Variants in MBOAT2 observed in about 807,000 individuals in gnomAD.
The protein encoded by MBOAT2 is membrane-bound glycerophospholipid O-acyltransferase 2.
Under a neutral mutation model 63.4 loss-of-function variants are expected in MBOAT2, and 28 were observed. That is an observed-to-expected ratio of 0.44 (90% CI 0.33 to 0.61). MBOAT2 has a LOEUF of 0.61. Ranked by LOEUF, MBOAT2 falls within the 20% of genes least tolerant of loss-of-function variation. The pLI is 0.03. For synonymous variants in MBOAT2, 211 were observed against 215.6 expected, an observed-to-expected ratio of 0.98 and a Z score of 0.19; for missense variants, 470 against 605.8, an observed-to-expected ratio of 0.78 and a Z score of 2.35.
At chr2:8,900,014 AG>A (rs1481779722) in intron 4 of MBOAT2, among the ~76,000 whole-genome samples, 1 of 151,944 alleles carries the variant, frequency 6.6e-6, no homozygotes, top group African/African-American at 2.4e-5. Flanking sequence ...TTTGGGTGAC[AG>A]GGGAGTATAT....
At chr2:8,883,022 T>C (rs1352358306) in intron 5 of MBOAT2, among the ~76,000 whole-genome samples, 1 of 152,126 alleles carries the variant, frequency 6.6e-6, no homozygotes, top group African/African-American at 2.4e-5. Flanking sequence ...TACATCATCT[T>C]CATCCATCTA....
At chr2:8,928,643 A>AT (rs1229774367) in intron 3 of MBOAT2, among the ~76,000 whole-genome samples, 1 of 152,068 alleles carries the variant, frequency 6.6e-6, no homozygotes, top group African/African-American at 2.4e-5. Flanking sequence ...TTATAATAAA[A>AT]TTTTTATGAA....
At chr2:8,970,279 A>G (rs1372168259) in intron 1 of MBOAT2, among the ~76,000 whole-genome samples, 1 of 152,276 alleles carries the variant, frequency 6.6e-6, no homozygotes, top group African/African-American at 2.4e-5. Context: ...TACTGGGTAC[A>G]TAACGAAATG....
At chr2:8,973,656 A>T (rs1452769279) in intron 1 of MBOAT2, among the ~76,000 whole-genome samples, 2 of 152,120 alleles carry the variant, frequency 1.3e-5, no homozygotes, top group African/African-American at 4.8e-5. Context: ...ATAATAGAAA[A>T]GTAGGCAGAG....
chr2:8,888,171 A>G (rs1198909220), intron 4 of MBOAT2, 98 bp from the exon 5 acceptor site: 1 of 1,126,872 alleles, frequency 8.9e-7, no homozygotes, highest in African/African-American at 1.6e-5. Flanking sequence ...TTATCACTAC[A>G]AATCCTGAAA....
chr2:8,954,774 C>T (rs1669092319), intron 2 of MBOAT2, among the ~76,000 whole-genome samples: 1 of 151,858 alleles, frequency 6.6e-6, no homozygotes, highest in Non-Finnish European at 1.5e-5. Flanking sequence ...GAGAGCCTCA[C>T]TTCACCATGA....
chr2:8,958,650 G>T lies in MBOAT2; in HGVS notation c.76-8C>A, dbSNP rs756676467. Reference sequence around the variant, plus strand: ...GCACACTACAAAGTTGACCTGTAAAGAAAAATTAAAATTTTGTATTAGCAA... The same window carrying T: ...GCACACTACAAAGTTGACCTGTAAATAAAAATTAAAATTTTGTATTAGCAA... On this transcript the variant is annotated splice_region_variant and splice_polypyrimidine_tract_variant and intron_variant, in intron 1 of 12. Transcript: ENST00000305997. 1.3e-5 allele frequency: 20 copies of T among 1,549,038 alleles called. No homozygotes were observed. The South Asian group carries it at 2.3e-4, about 18-fold the overall frequency.
chr2:8,989,494 G>C (rs1364432032), intron 1 of MBOAT2, among the ~76,000 whole-genome samples: 1 of 152,160 alleles, frequency 6.6e-6, no homozygotes, highest in Non-Finnish European at 1.5e-5. Flanking sequence ...CACTTAGAAA[G>C]TGAACTTTCA....
chr2:8,884,382 G>A (rs867778228), intron 5 of MBOAT2, among the ~76,000 whole-genome samples: 6 of 150,454 alleles, frequency 4.0e-5, no homozygotes, highest in African/African-American at 1.2e-4. Context: ...ATTAGAGAAC[G>A]GTAAAACATT....
intron 3 of MBOAT2, among the ~76,000 whole-genome samples, chr2:8,931,230 G>A (rs1667297755): frequency 6.6e-6 from 1 of 152,196 alleles, no homozygotes; most frequent in African/African-American, 2.4e-5. Context: ...TCTGACTGGT[G>A]TGAGATGGTA....
intron 4 of MBOAT2, among the ~76,000 whole-genome samples, chr2:8,893,179 G>T (rs889299888): frequency 1.3e-5 from 2 of 151,794 alleles, no homozygotes; most frequent in Admixed American, 6.6e-5. Context: ...GTCACCTCTA[G>T]ATCTATTCTG....
intron 2 of MBOAT2, among the ~76,000 whole-genome samples, chr2:8,953,055 T>A (rs1328375025): frequency 1.3e-5 from 2 of 152,218 alleles, no homozygotes; most frequent in African/African-American, 4.8e-5. Flanking sequence ...TGTGGCTGCT[T>A]TACAGGGTCT....
chr2:8,919,775 T>C (rs1473975861), intron 3 of MBOAT2, among the ~76,000 whole-genome samples: 1 of 152,118 alleles, frequency 6.6e-6, no homozygotes, highest in Non-Finnish European at 1.5e-5. Flanking sequence ...TTTTTTGTTT[T>C]GAGACAGGTT....
At chr2:8,957,188 T>C (rs1045392512) in intron 2 of MBOAT2, among the ~76,000 whole-genome samples, 1 of 152,238 alleles carries the variant, frequency 6.6e-6, no homozygotes, top group Admixed American at 6.5e-5. Context: ...GAGGGCTCAC[T>C]ATATTGTTCT....
chr2:8,952,609 T>C (rs770897490), intron 2 of MBOAT2, among the ~76,000 whole-genome samples: 1 of 152,214 alleles, frequency 6.6e-6, no homozygotes, highest in Non-Finnish European at 1.5e-5. Flanking sequence ...ATGTTGCACA[T>C]GTACACACTA....
chr2:8,862,567 A>C lies in MBOAT2; in HGVS notation c.1185+23T>G. The C allele has an allele frequency of 2.5e-6, 4 of 1,600,794 alleles. No homozygotes were observed. The highest frequency in any genetic ancestry group is 3.4e-6 in the Non-Finnish European group (4 of 1,175,016). ...CAGTTCAAGTGGACCATTGAATTGT[A>C]AAATAAAATTCTTGATACTTACAGC... On this transcript the variant is annotated intron_variant, in intron 11 of 12. Coordinates refer to ENST00000305997, the MANE Select transcript of MBOAT2 (RefSeq NM_138799.4). The surrounding 1 kb of genome is among the most constrained non-coding windows in gnomAD (Gnocchi z 4.3).
chr2:8,898,652 C>G (rs1664672815), intron 4 of MBOAT2, among the ~76,000 whole-genome samples: 1 of 152,232 alleles, frequency 6.6e-6, no homozygotes, highest in Admixed American at 6.5e-5. Context: ...TGGCCTAGAT[C>G]TTGGGCCAGT....
In MBOAT2 at chr2:8,858,389, CAT is replaced by C; in HGVS notation, c.*288_*289del. 3.5e-6 allele frequency: 1 copy of C among 288,302 alleles called. No individual in the cohort carries two copies. Among genetic ancestry groups the C allele is most frequent in the African/African-American group, 2.2e-5 (1 of 46,500 alleles). The allele number at this position is 288,302 out of a possible 1,614,324, so 17.9% of individuals were successfully genotyped here. On this transcript the variant is annotated 3_prime_UTR_variant, in exon 13 of 13. Transcript: ENST00000305997. ...CTCTTCAGTGCCTTGGGATACGCAA[CAT>C]ACATTCAGCAACAGGGCACGCGTGT...
At chr2:8,860,817 T>C (rs2148505965) in intron 11 of MBOAT2, 53 bp from the exon 12 acceptor site, 6 of 1,376,656 alleles carry the variant, frequency 4.4e-6, no homozygotes, top group Non-Finnish European at 6.0e-6. Context: ...ACATTACTTA[T>C]GCAGTTACAC....
Sources: gnomAD v4.1 joint callset for allele counts (sites outside exome capture counted in the v4.1 genomes callset) on GRCh38, gnomAD v4.1.1 for gene constraint, Gnocchi (gnomAD v3.1) non-coding constraint, MANE v1.5 for transcripts, NCBI Gene and HGNC (gene_info 2026-07-23, HGNC 2026-07-21) for gene names.